Variants in ATP8B1 observed in about 807,000 individuals in gnomAD.
The protein encoded by ATP8B1 is phospholipid-transporting ATPase IC.
A neutral mutation model predicts 149.9 loss-of-function variants in ATP8B1; 80 were observed. The ratio of observed to expected loss-of-function variants is 0.53; its 90% CI spans 0.45 to 0.64. The LOEUF (loss-of-function observed/expected upper bound fraction) is 0.64, where lower values mean the gene tolerates loss of function less well. Ranked by LOEUF, ATP8B1 falls within the 30% of genes least tolerant of loss-of-function variation. The pLI, the probability that ATP8B1 is intolerant of heterozygous loss-of-function variation, is 0.00. For synonymous variants in ATP8B1, 536 were observed against 562.8 expected (o/e 0.95, Z 0.67); for missense variants, 1,247 against 1,552.6 (o/e 0.80, Z 3.31).
intron 6 of ATP8B1, among the ~76,000 whole-genome samples, chr18:57,699,230 T>G (rs1321245737): frequency 6.6e-6 from 1 of 152,238 alleles, no homozygotes; most frequent in Non-Finnish European, 1.5e-5. Flanking sequence ...ATATAGACTA[T>G]ACCAAGCTAT....
At chr18:57,701,799 G>T (rs961509786) in intron 4 of ATP8B1, among the ~76,000 whole-genome samples, 1 of 151,622 alleles carries the variant, frequency 6.6e-6, no homozygotes, top group South Asian at 2.1e-4. Context: ...AGGCTCAAGC[G>T]ATTCTCCTGC....
chr18:57,762,399 G>C (rs1169521981), intron 1 of ATP8B1, among the ~76,000 whole-genome samples: 2 of 151,844 alleles, frequency 1.3e-5, no homozygotes, highest in South Asian at 4.1e-4. Flanking sequence ...TCAGCCCCCC[G>C]AAGTGCTGAG....
At chr18:57,783,947 G>T (rs991085296) in intron 1 of ATP8B1, among the ~76,000 whole-genome samples, 1 of 152,186 alleles carries the variant, frequency 6.6e-6, no homozygotes, top group Non-Finnish European at 1.5e-5. Context: ...CATTTCAACA[G>T]TATTTCTGGG....
At chr18:57,688,666 C>T (rs1912381829) in intron 12 of ATP8B1, 159 bp from the exon 13 acceptor site, 1 of 757,888 alleles carries the variant, frequency 1.3e-6, no homozygotes, top group East Asian at 2.7e-5. Context: ...AAACCCAATC[C>T]CCAATTCAAC....
At chr18:57,682,284 G>A (rs35817650) in intron 15 of ATP8B1, among the ~76,000 whole-genome samples, 14,410 of 152,236 alleles carry the variant, frequency 0.095, 916 homozygotes, top group Non-Finnish European at 0.13. Flanking sequence ...GATTACAGGT[G>A]TAAGCCACCG....
intron 2 of ATP8B1, among the ~76,000 whole-genome samples, chr18:57,712,459 C>A (rs569878442): frequency 8.5e-5 from 13 of 152,286 alleles, no homozygotes; most frequent in African/African-American, 2.6e-4. Context: ...AGCATTTAGA[C>A]CAGCCCTAGC....
intron 1 of ATP8B1, among the ~76,000 whole-genome samples, chr18:57,732,321 G>GTATATA (rs2079791506): frequency 1.8e-4 from 2 of 10,906 alleles, no homozygotes; most frequent in Non-Finnish European, 4.9e-4. Flanking sequence ...GTGTATATAT[G>GTATATA]TGTATATATG....
chr18:57,660,339 A>T (rs1179009005), intron 22 of ATP8B1, among the ~76,000 whole-genome samples: 1 of 152,192 alleles, frequency 6.6e-6, no homozygotes, highest in African/African-American at 2.4e-5. Context: ...AGTGCTAAAC[A>T]TGTTACTCTA....
At chr18:57,680,536 A>C (rs1301656309) in intron 15 of ATP8B1, among the ~76,000 whole-genome samples, 1 of 151,548 alleles carries the variant, frequency 6.6e-6, no homozygotes, top group Non-Finnish European at 1.5e-5. Context: ...GTGAGCCGAG[A>C]TCATGCCATT....
In ATP8B1 at chr18:57,701,324, A is replaced by G; in HGVS notation, c.394-11T>C. 6.2e-7 allele frequency: 1 copy of G among 1,607,950 alleles called. No homozygotes were observed. The highest frequency in any genetic ancestry group is 8.5e-7 in the Non-Finnish European group (1 of 1,174,360). On this transcript the variant is annotated splice_polypyrimidine_tract_variant and intron_variant, in intron 4 of 27. Transcript: ENST00000648908. ...GATTTGAGGAACTGCCTAAAAGAAT[A>G]AAAGGGCTTATGTGTGTGTCCATGA...
At position 57,728,770 on chromosome 18, in the gene ATP8B1, C is replaced by T. The variant is rs372907348; in HGVS notation, c.181+2857G>A. Among the ~76,000 whole-genome samples, 9 of 142,980 alleles carry T rather than the reference C, an allele frequency of 6.3e-5. 1 individual carries two copies. Among genetic ancestry groups the T allele is most frequent in the East Asian group, 2.0e-4 (1 of 4,924 alleles). The allele number at this position is 142,980 out of a possible 152,430, so 93.8% of individuals were successfully genotyped here. On this transcript the variant is annotated intron_variant, in intron 2 of 27. Coordinates refer to ENST00000648908, the MANE Select transcript of ATP8B1 (RefSeq NM_001374385.1). ...AGTCTCACTTTGTCACCCAGGATGG[C>T]GTGTAGTGGTGGGATCTTGGTTCAC...
At chr18:57,761,044 A>C (rs1164658924) in intron 1 of ATP8B1, among the ~76,000 whole-genome samples, 3 of 148,250 alleles carry the variant, frequency 2.0e-5, no homozygotes, top group Admixed American at 6.7e-5. Flanking sequence ...AAATAAATAA[A>C]ATAAAATAAC....
At chr18:57,757,518 CAT>C (rs61072987) in intron 1 of ATP8B1, among the ~76,000 whole-genome samples, 11,948 of 152,212 alleles carry the variant, frequency 0.078, 511 homozygotes, top group Middle Eastern at 0.14. Context: ...CACACACACA[CAT>C]ACATATACAC....
intron 1 of ATP8B1, among the ~76,000 whole-genome samples, chr18:57,780,972 G>A (rs897382683): frequency 2.0e-5 from 3 of 152,188 alleles, no homozygotes; most frequent in Non-Finnish European, 2.9e-5. Flanking sequence ...TATGATATAT[G>A]TGGCCTGGCC....
rs541474497 is a variant in ATP8B1, at chr18:57,669,334, A to G, written c.2081T>C (p.Ile694Thr). The change falls in exon 18 of 28, where the codon ATT becomes ACT. Residue 694 changes from isoleucine to threonine, a missense_variant. Around this residue, in one of 3 missense-constraint regions of ATP8B1, gnomAD observed 853 missense variants for 1,035.7 expected, o/e 0.82. Coordinates refer to ENST00000648908, the MANE Select transcript of ATP8B1 (RefSeq NM_001374385.1). ...DEALDKVYEE[I>T]EKDLILLGAT... ...AAAACTCACAATTAAGTCTTTTTCAATCTCCTCATATACTTTATCCAGAGC... is the reference window on the plus strand; with the variant it reads ...AAAACTCACAATTAAGTCTTTTTCAGTCTCCTCATATACTTTATCCAGAGC... The G allele has an allele frequency of 1.4e-5, 23 of 1,601,398 alleles. No homozygotes were observed. Among genetic ancestry groups the G allele is most frequent in the African/African-American group, 4.0e-5 (3 of 74,250 alleles).
intron 1 of ATP8B1, among the ~76,000 whole-genome samples, chr18:57,758,141 G>T (rs8091459): frequency 0.45 from 68,325 of 151,742 alleles, 15,734 homozygotes; most frequent in Middle Eastern, 0.53. Flanking sequence ...TTATAAGCAT[G>T]AGCCACCAAG....
rs752127332 is a variant in ATP8B1 at position 57,731,690 on chromosome 18, C to G, written c.118G>C (p.Val40Leu). The part of the protein sequence containing the change: ...EDELDDQGSA[V>L]EPEQNRVNRE... ...TTGACTCGGTTTTGTTCTGGTTCAA[C>G]AGCAGACCCCTGGTCATCAAGTTCA... Residue 40 changes from valine to leucine, a missense_variant, in exon 2 of 28, where the codon GTT becomes CTT. Val to Leu is a conservative substitution (Grantham distance 32). Coordinates refer to ENST00000648908, the MANE Select transcript of ATP8B1 (RefSeq NM_001374385.1). 6.2e-7 allele frequency: 1 copy of G among 1,614,136 alleles called. No homozygotes were observed.
chr18:57,721,208 C>G (rs1329020445), intron 2 of ATP8B1, among the ~76,000 whole-genome samples: 3 of 138,418 alleles, frequency 2.2e-5, no homozygotes, highest in Non-Finnish European at 3.1e-5. Context: ...AAATCACCAG[C>G]TAACATCATA....
intron 1 of ATP8B1, among the ~76,000 whole-genome samples, chr18:57,793,253 T>G (rs964819096): frequency 6.6e-6 from 1 of 152,214 alleles, no homozygotes; most frequent in South Asian, 2.1e-4. Context: ...GGCATTTCGA[T>G]CTATCAAAAT....
Sources: gnomAD v4.1 joint callset for allele counts (sites outside exome capture counted in the v4.1 genomes callset) on GRCh38, gnomAD v4.1.1 for gene constraint, gnomAD v4.1.1 regional missense constraint, MANE v1.5 for transcripts, NCBI Gene and HGNC (gene_info 2026-07-23, HGNC 2026-07-21) for gene names.